BIN3: variants seen among roughly 807,000 people sequenced by gnomAD.
The protein encoded by BIN3 is bridging integrator 3.
A neutral mutation model predicts 38.2 loss-of-function variants in BIN3; 41 were observed. That is an observed-to-expected ratio of 1.07 (90% CI 0.84 to 1.39). BIN3 has a LOEUF of 1.39. BIN3 is among the 40% of genes most tolerant of loss of function. BIN3 has a pLI of 0.00. For synonymous variants in BIN3, 145 were observed against 122.6 expected, an observed-to-expected ratio of 1.18 and a Z score of -1.21; for missense variants, 361 against 324.3, an observed-to-expected ratio of 1.11 and a Z score of -0.87.
At chr8:22,631,934 C>T (rs956666973) in intron 4 of BIN3, among the ~76,000 whole-genome samples, 1 of 152,182 alleles carries the variant, frequency 6.6e-6, no homozygotes, top group African/African-American at 2.4e-5. Flanking sequence ...GGGCAGGAAG[C>T]GGCCCTGGAG....
intron 1 of BIN3, among the ~76,000 whole-genome samples, chr8:22,645,641 G>T (rs1359796698): frequency 6.9e-6 from 1 of 143,932 alleles, no homozygotes; most frequent in Non-Finnish European, 1.5e-5. Flanking sequence ...CCCTGTGAAT[G>T]ACAATAAAAC....
chr8:22,641,864 G>A (rs1469764050), intron 2 of BIN3, among the ~76,000 whole-genome samples: 2 of 152,144 alleles, frequency 1.3e-5, no homozygotes, highest in Admixed American at 6.5e-5. Flanking sequence ...ATGGAGGAAG[G>A]TGTGGCGGCT....
At chr8:22,637,830 T>C (rs1802422523) in intron 2 of BIN3, among the ~76,000 whole-genome samples, 1 of 152,214 alleles carries the variant, frequency 6.6e-6, no homozygotes, top group Non-Finnish European at 1.5e-5. Context: ...CTTCGTGCTC[T>C]GAGAAGTCAA....
intron 2 of BIN3, among the ~76,000 whole-genome samples, chr8:22,643,074 GT>G (rs1347093148): frequency 6.6e-6 from 1 of 152,210 alleles, no homozygotes; most frequent in African/African-American, 2.4e-5. Flanking sequence ...TGCTGGGAGG[GT>G]TTTTGTTTGT....
At chr8:22,647,448 G>C (rs1802748643) in intron 1 of BIN3, among the ~76,000 whole-genome samples, 1 of 152,312 alleles carries the variant, frequency 6.6e-6, no homozygotes, top group African/African-American at 2.4e-5. Context: ...TGGCTCACAA[G>C]AGAACAAGGA....
rs189378827 is a variant in BIN3, at chr8:22,648,056, G to A, written c.9-3253C>T. Among the ~76,000 whole-genome samples the A allele has an allele frequency of 5.6e-3, 832 of 149,452 alleles. 9 individuals are homozygous for A. Among genetic ancestry groups the A allele is most frequent in the African/African-American group, 0.019 (787 of 40,692 alleles). Reference sequence around the variant, plus strand: ...AGGCTGAGGCAGGAGAATGGCATGAGCCTGGGAGGCAGAGCTTGCAGTGAG... The same window carrying A: ...AGGCTGAGGCAGGAGAATGGCATGAACCTGGGAGGCAGAGCTTGCAGTGAG... On this transcript the variant is annotated intron_variant, in intron 1 of 8. Coordinates refer to ENST00000276416, the MANE Select transcript of BIN3 (RefSeq NM_018688.6).
intron 4 of BIN3, 54 bp downstream of exon 4, chr8:22,636,471 G>T: frequency 6.6e-7 from 1 of 1,512,646 alleles, no homozygotes; most frequent in Non-Finnish European, 9.0e-7. Context: ...AGAGGAGGGT[G>T]CCCACCTCTG....
intron 4 of BIN3, chr8:22,634,443 A>C (rs1585184740): frequency 4.4e-6 from 2 of 455,656 alleles, no homozygotes; most frequent in Admixed American, 4.7e-5. Context: ...GGCGGCTCCC[A>C]GGGAAGGAAC....
rs191247415 is a variant in BIN3, at chr8:22,665,691, G to A, written c.8+3353C>T. On this transcript the variant is annotated intron_variant, in intron 1 of 8. Coordinates refer to ENST00000276416, the MANE Select transcript of BIN3 (RefSeq NM_018688.6). ...GAGAAGCTTGGAGGATGGAACACAC[G>A]GAGTGAAGATGGACAGCCAGGCCCA... 4.5e-4 allele frequency among the ~76,000 whole-genome samples: 68 copies of A among 152,314 alleles called. 1 individual carries two copies. Among genetic ancestry groups the A allele is most frequent in the South Asian group, 2.3e-3 (11 of 4,828 alleles).
chr8:22,630,748 A>C (rs1802167576), intron 4 of BIN3, among the ~76,000 whole-genome samples, 170 bp from the exon 5 acceptor site: 1 of 152,166 alleles, frequency 6.6e-6, no homozygotes, highest in Non-Finnish European at 1.5e-5. Context: ...GCTGATCCCC[A>C]TGGTTTAATG....
Position 22,629,992 on chromosome 8 carries a change from G to A in BIN3, c.310C>T (p.Gln104Ter), listed in dbSNP as rs770025487. The change falls in exon 6 of 9, where the codon CAG becomes TAG. Residue 104 changes from glutamine (Q) to a stop codon, truncating the protein, a stop_gained. Coordinates refer to ENST00000276416, the MANE Select transcript of BIN3 (RefSeq NM_018688.6). LOFTEE classifies it high-confidence loss of function. ...AFNQEKVNQIQKTVIEPLKKF... is the reference protein window; with the variant it reads ...AFNQEKVNQI ...TTTAAGGGCTCGATCACAGTCTTCTGGATCTGGTTCACCTGTCAAAGAAAA... is the reference window on the plus strand; with the variant it reads ...TTTAAGGGCTCGATCACAGTCTTCTAGATCTGGTTCACCTGTCAAAGAAAA... 5 of 1,609,628 alleles carry A rather than the reference G, an allele frequency of 3.1e-6. No individual in the cohort carries two copies. The highest frequency in any genetic ancestry group is 1.7e-5 in the Admixed American group (1 of 59,448).
chr8:22,645,282 T>C (rs1281277639), intron 1 of BIN3, among the ~76,000 whole-genome samples: 1 of 150,034 alleles, frequency 6.7e-6, no homozygotes, highest in African/African-American at 2.5e-5. Flanking sequence ...CTGGGCAATA[T>C]AGCAAGATCC....
chr8:22,656,445 T>C (rs1428704576), intron 1 of BIN3, among the ~76,000 whole-genome samples: 1 of 152,198 alleles, frequency 6.6e-6, no homozygotes, highest in Non-Finnish European at 1.5e-5. Context: ...TTCATTTATA[T>C]AGCCTAAGAA....
intron 1 of BIN3, among the ~76,000 whole-genome samples, chr8:22,650,255 A>G (rs577022923): frequency 1.3e-5 from 2 of 152,346 alleles, no homozygotes; most frequent in South Asian, 4.1e-4. Flanking sequence ...CTAGAGACAG[A>G]TTGAAACATT....
chr8:22,641,034 C>T (rs374072923), intron 2 of BIN3, among the ~76,000 whole-genome samples: 5 of 152,228 alleles, frequency 3.3e-5, no homozygotes, highest in African/African-American at 9.6e-5. Context: ...GAAAGATGCA[C>T]GGGGACACTG....
intron 2 of BIN3, among the ~76,000 whole-genome samples, chr8:22,642,963 G>C (rs1040643259): frequency 2.6e-5 from 4 of 152,236 alleles, no homozygotes; most frequent in Admixed American, 2.0e-4. Flanking sequence ...CCACTCCTTA[G>C]ATCAACGGAG....
chr8:22,621,623 AG>A (rs1281941918), intron 8 of BIN3, 55 bp from the exon 9 acceptor site: 29 of 1,544,312 alleles, frequency 1.9e-5, no homozygotes, highest in Non-Finnish European at 2.6e-5. Context: ...CGTGTGCTTC[AG>A]GGGGCCAGAG....
At chr8:22,647,608 G>C (rs1802752634) in intron 1 of BIN3, among the ~76,000 whole-genome samples, 1 of 152,202 alleles carries the variant, frequency 6.6e-6, no homozygotes, top group African/African-American at 2.4e-5. Flanking sequence ...TTGTTCTTAA[G>C]GGTCTGGAAG....
chr8:22,626,230 G>C (rs1801999853), intron 6 of BIN3: 1 of 152,330 alleles, frequency 6.6e-6, no homozygotes. Flanking sequence ...ACTGTGCACA[G>C]AGAACGCGGG....
Sources: gnomAD v4.1 joint callset for allele counts (sites outside exome capture counted in the v4.1 genomes callset) on GRCh38, gnomAD v4.1.1 for gene constraint, MANE v1.5 for transcripts, NCBI Gene and HGNC (gene_info 2026-07-23, HGNC 2026-07-21) for gene names.